Variants in EDRF1 observed in about 807,000 individuals in gnomAD.
EDRF1 encodes erythroid differentiation-related factor 1.
A neutral mutation model predicts 148.7 loss-of-function variants in EDRF1; 69 were observed. That is an observed-to-expected ratio of 0.46 (90% CI 0.38 to 0.57). The LOEUF (loss-of-function observed/expected upper bound fraction) is 0.57. Ranked by LOEUF, EDRF1 falls within the 20% of genes least tolerant of loss-of-function variation. The probability of loss-of-function intolerance (pLI) is 0.00; values close to 1 mark genes in which losing one functional copy is unlikely to be tolerated. For synonymous variants in EDRF1, 515 were observed against 532.8 expected (o/e 0.97, Z 0.46); for missense variants, 1,118 against 1,478.7 (o/e 0.76, Z 4.00).
At chr10:125,733,091 G>A (rs1458766881) in intron 9 of EDRF1, among the ~76,000 whole-genome samples, 1 of 152,116 alleles carries the variant, frequency 6.6e-6, no homozygotes. Context: ...CATTCAAGTG[G>A]AATAAAAGTA....
intron 1 of EDRF1, among the ~76,000 whole-genome samples, chr10:125,720,281 T>C (rs184780001): frequency 6.6e-6 from 1 of 152,192 alleles, no homozygotes; most frequent in East Asian, 1.9e-4. Flanking sequence ...GCAGAAGAGG[T>C]ACTGCGTGAA....
At chr10:125,724,538 A>G (rs557817903) in intron 4 of EDRF1, among the ~76,000 whole-genome samples, 1 of 152,332 alleles carries the variant, frequency 6.6e-6, no homozygotes, top group Non-Finnish European at 1.5e-5. Flanking sequence ...CCAGGTTTCT[A>G]TAAGTAACAC....
chr10:125,758,805 A>C (rs1328678951), intron 24 of EDRF1, among the ~76,000 whole-genome samples: 1 of 152,144 alleles, frequency 6.6e-6, no homozygotes, highest in East Asian at 1.9e-4. Context: ...GCAGGGAGTT[A>C]GCAAGGACTC....
Position 125,738,032 on chromosome 10 carries a change from C to T in EDRF1, c.1830+43C>T, listed in dbSNP as rs78996157. 1.2e-3 allele frequency: 1,823 copies of T among 1,558,458 alleles called. 15 individuals carry two copies. In the African/African-American group the frequency reaches 0.018, roughly 16 times the overall value. Reference sequence around the variant, plus strand: ...CTTCACTTTTTTCGTAAAGTTTGTACTTGATTATGCAAATTACACTTGTTT... The same window carrying T: ...CTTCACTTTTTTCGTAAAGTTTGTATTTGATTATGCAAATTACACTTGTTT... On this transcript the variant is annotated intron_variant, in intron 14 of 24. Transcript: ENST00000356792.
intron 9 of EDRF1, among the ~76,000 whole-genome samples, chr10:125,732,683 G>A (rs918172061): frequency 3.3e-5 from 5 of 152,192 alleles, no homozygotes; most frequent in South Asian, 4.1e-4. Context: ...AAAGTGGGGT[G>A]AAAATCAACC....
chr10:125,763,053 A>G lies in EDRF1; in HGVS notation c.3546-248A>G, dbSNP rs1340153703. On this transcript the variant is annotated intron_variant, in intron 24 of 24. Transcript: ENST00000356792. This position sits in a 1 kb window ranked among gnomAD's most constrained non-coding sequence, Gnocchi z 4.3. ...CTCTGTCAAGAGCAATTCCTAGTAC[A>G]TAATAGGCATTCAAATATTTATAAA... Among the ~76,000 whole-genome samples the G allele has an allele frequency of 6.6e-6, 1 of 152,120 alleles. No individual in the cohort carries two copies. The highest frequency in any genetic ancestry group is 2.4e-5 in the African/African-American group (1 of 41,400).
At chr10:125,752,479 G>C (rs1849690899) in intron 22 of EDRF1, among the ~76,000 whole-genome samples, 1 of 152,214 alleles carries the variant, frequency 6.6e-6, no homozygotes, top group South Asian at 2.1e-4. Flanking sequence ...CCACACAACT[G>C]GTAAAATGTG....
chr10:125,719,835 G>C lies in EDRF1; in HGVS notation c.28G>C (p.Glu10Gln). 1 of 1,612,122 alleles carries C rather than the reference G, an allele frequency of 6.2e-7. No homozygotes were observed. The highest frequency in any genetic ancestry group is 8.5e-7 in the Non-Finnish European group (1 of 1,179,552). ...GGGGGATGCCAAGGAGGCCGGAGCC[G>C]AGGGTCCGCCGGCCGGGGCCGCCGC... The part of the protein sequence containing the change: MGDAKEAGA[E>Q]GPPAGAAARG... The change falls in exon 1 of 25, where the codon GAG becomes CAG. Residue 10 changes from glutamate to glutamine, a missense_variant. By Grantham distance (29) the Glu-to-Gln change is conservative. This residue lies in a region of EDRF1 where 65 missense variants were observed against 50.3 expected (regional missense o/e 1.29). Transcript: ENST00000356792.
At position 125,725,821 on chromosome 10, in the gene EDRF1, C is replaced by T. The variant is rs149421957; in HGVS notation, c.775C>T (p.Pro259Ser). The T allele has an allele frequency of 6.2e-7, 1 of 1,613,454 alleles. No individual in the cohort carries two copies. The highest frequency in any genetic ancestry group is 8.5e-7 in the Non-Finnish European group (1 of 1,179,994). Reference protein sequence around the residue: ...FEMPSSVSEDPSASSQGSEPL... With the variant: ...FEMPSSVSEDSSASSQGSEPL... ...AATGCCTTCTTCAGTTTCTGAAGAT[C>T]CCAGTGCTTCCAGTCAGGTTAGTAC... The change falls in exon 6 of 25, where the codon CCC becomes TCC. Residue 259 changes from proline to serine, a missense_variant. Physicochemically the swap from Pro to Ser is moderately conservative, Grantham distance 74. This residue lies in a region of EDRF1 where 954 missense variants were observed against 1,241.4 expected (regional missense o/e 0.77). Coordinates refer to ENST00000356792, the MANE Select transcript of EDRF1 (RefSeq NM_001202438.2).
Position 125,745,890 on chromosome 10 carries a change from A to G in EDRF1, c.2774A>G (p.Lys925Arg), listed in dbSNP as rs753361028. The G allele has an allele frequency of 6.2e-7, 1 of 1,614,220 alleles. No individual in the cohort carries two copies. The highest frequency in any genetic ancestry group is 8.5e-7 in the Non-Finnish European group (1 of 1,180,032). The change falls in exon 19 of 25, where the codon AAA (lysine) becomes AGA (arginine). Residue 925 changes from lysine to arginine, a missense_variant. Lys to Arg is a conservative substitution (Grantham distance 26). Around this residue, in one of 3 missense-constraint regions of EDRF1, gnomAD observed 954 missense variants for 1,241.4 expected, o/e 0.77. Transcript: ENST00000356792. ...QAHCGAGDEL[K>R]REFSPEEGLY... ...CACTGTGGTGCAGGGGATGAACTGA[A>G]ACGTGAATTTTCACCAGAAGAAGGC...
intron 23 of EDRF1, 120 bp downstream of exon 23, chr10:125,753,034 C>G: frequency 2.8e-6 from 2 of 723,614 alleles, no homozygotes; most frequent in Non-Finnish European, 4.9e-6. Context: ...CATATGTATG[C>G]TATGCACTAA....
intron 2 of EDRF1, 131 bp downstream of exon 2, chr10:125,721,543 T>A (rs1183121763): frequency 1.1e-6 from 1 of 884,542 alleles, no homozygotes; most frequent in African/African-American, 1.7e-5. Flanking sequence ...CACATTTGAT[T>A]TTCAAAGGCT....
chr10:125,736,869 C>G (rs1429569473), intron 13 of EDRF1, among the ~76,000 whole-genome samples: 2 of 151,938 alleles, frequency 1.3e-5, no homozygotes, highest in African/African-American at 2.4e-5. Context: ...CCTGACCACT[C>G]TGGCCAAAGC....
intron 15 of EDRF1, 146 bp from the exon 16 acceptor site, chr10:125,740,317 G>T: frequency 1.2e-6 from 1 of 864,764 alleles, no homozygotes; most frequent in Non-Finnish European, 1.8e-6. Context: ...TTTCACTCCA[G>T]TGTATTTAAG....
At position 125,729,113 on chromosome 10, in the gene EDRF1, T is replaced by C. The variant is rs1848388350; in HGVS notation, c.894+9T>C. Reference sequence around the variant, plus strand: ...ACGGGGAGCACAGTCAGGTATGCTTTCCATGGTGTCCAAGGTGACAGCAAA... The same window carrying C: ...ACGGGGAGCACAGTCAGGTATGCTTCCCATGGTGTCCAAGGTGACAGCAAA... On this transcript the variant is annotated intron_variant, in intron 7 of 24. Transcript: ENST00000356792. The C allele has an allele frequency of 6.4e-7, 1 of 1,553,392 alleles. No homozygotes were observed. Among genetic ancestry groups the C allele is most frequent in the African/African-American group, 1.4e-5 (1 of 73,936 alleles).
chr10:125,729,429 C>T lies in EDRF1; in HGVS notation c.966C>T (p.Asn322=), dbSNP rs752000396. The change falls in exon 8 of 25, where the codon AAC becomes AAT. Residue 322 remains asparagine (N), a synonymous_variant. Coordinates refer to ENST00000356792, the MANE Select transcript of EDRF1 (RefSeq NM_001202438.2). ...ATATCCATATGTTGGTCGGCTCCAA[C>T]ATGCCCATATTTGGAGGAGGCAGAT... The part of the protein sequence containing the change: ...FEDIHMLVGS[N]MPIFGGGRYP... The T allele has an allele frequency of 1.2e-6, 2 of 1,614,100 alleles. No individual in the cohort carries two copies. Among genetic ancestry groups the T allele is most frequent in the African/African-American group, 1.3e-5 (1 of 75,042 alleles).
Position 125,721,324 on chromosome 10 carries a change from C to T in EDRF1, c.229C>T (p.Pro77Ser). The change falls in exon 2 of 25, where the codon CCT becomes TCT. Residue 77 changes from proline to serine, a missense_variant. Transcript: ENST00000356792. ...LEEKTDLKLP[P>S]ANWLRESAKL... Reference sequence around the variant, plus strand: ...AGAGAAAACAGACTTGAAACTCCCACCTGCCAACTGGTTACGAGAGAGTGC... The same window carrying T: ...AGAGAAAACAGACTTGAAACTCCCATCTGCCAACTGGTTACGAGAGAGTGC... The T allele has an allele frequency of 6.2e-7, 1 of 1,614,218 alleles. No individual in the cohort carries two copies. Among genetic ancestry groups the T allele is most frequent in the Non-Finnish European group, 8.5e-7 (1 of 1,180,046 alleles).
At chr10:125,735,081 A>G in intron 12 of EDRF1, among the ~76,000 whole-genome samples, 1 of 152,196 alleles carries the variant, frequency 6.6e-6, no homozygotes, top group Non-Finnish European at 1.5e-5. Context: ...AAATGGTGTT[A>G]AAGACTATTG....
intron 21 of EDRF1, 32 bp downstream of exon 21, chr10:125,748,044 C>T (rs1849455982): frequency 6.2e-7 from 1 of 1,612,934 alleles, no homozygotes; most frequent in Admixed American, 1.7e-5. Context: ...TACAGTGCCA[C>T]ATCAGTTTAA....
Sources: gnomAD v4.1 joint callset for allele counts (sites outside exome capture counted in the v4.1 genomes callset) on GRCh38, gnomAD v4.1.1 for gene constraint, gnomAD v4.1.1 regional missense constraint, Gnocchi (gnomAD v3.1) non-coding constraint, MANE v1.5 for transcripts, NCBI Gene and HGNC (gene_info 2026-07-23, HGNC 2026-07-21) for gene names.